ZNF723: variants seen among roughly 807,000 people sequenced by gnomAD.
ZNF723 encodes the protein zinc finger protein 723.
ZNF723 carries 5 observed loss-of-function variants against 9.4 expected under a neutral mutation model. That is an observed-to-expected ratio of 0.53 (90% confidence interval 0.28 to 1.12). The LOEUF (loss-of-function observed/expected upper bound fraction) is 1.12, where lower values mean the gene tolerates loss of function less well. Ranked by LOEUF, ZNF723 falls within the 50% of genes most tolerant of loss-of-function variation. The pLI is 0.10. For missense variants in ZNF723, 450 were observed against 501.5 expected (o/e 0.90, Z 0.98); for synonymous variants, 158 against 168.8 (o/e 0.94, Z 0.49).
chr19:22,849,990 G>A (rs1424028783), intron 3 of ZNF723, among the ~76,000 whole-genome samples: 2 of 151,954 alleles, frequency 1.3e-5, no homozygotes, highest in South Asian at 2.1e-4. Flanking sequence ...AAATATGTGA[G>A]AGTAGTGGTT....
At chr19:22,819,403 G>A in the ZNF723 span, among the ~76,000 whole-genome samples, 1 of 152,186 alleles carries the variant, frequency 6.6e-6, no homozygotes. Flanking sequence ...CAGCACATAG[G>A]TGATGTAATT....
rs1370106460 is a variant in ZNF723 at position 22,844,437 on chromosome 19, C to G, written c.4-3824C>G. ...GAAATACATGTGCTGGGCCCTTAAC[C>G]TAATGCTGGGAATTATTAAATACTT... On this transcript the variant is annotated intron_variant, in intron 1 of 3. Coordinates refer to ENST00000600766, the MANE Select transcript of ZNF723 (RefSeq NM_001349726.2). Among the ~76,000 whole-genome samples, 3 of 152,128 alleles carry G rather than the reference C, an allele frequency of 2.0e-5. No homozygotes were observed. In the East Asian group the frequency reaches 5.8e-4, roughly 29 times the overall value.
chr19:22,849,494 C>T (rs551219413), intron 3 of ZNF723, among the ~76,000 whole-genome samples: 7 of 152,302 alleles, frequency 4.6e-5, no homozygotes, highest in African/African-American at 1.7e-4. Flanking sequence ...TTCTACTTTC[C>T]CTTTTGTGAT....
chr19:22,856,985 T>C (rs1439760920), intron 3 of ZNF723, 133 bp from the exon 4 acceptor site: 1 of 463,130 alleles, frequency 2.2e-6, no homozygotes, highest in Non-Finnish European at 3.8e-6. Context: ...TTTATGTCTA[T>C]GAAGTAATTA....
At chr19:22,847,722 G>T (rs1367865563) in intron 1 of ZNF723, among the ~76,000 whole-genome samples, 1 of 151,344 alleles carries the variant, frequency 6.6e-6, no homozygotes, top group African/African-American at 2.4e-5. Flanking sequence ...ATCCAGAAAA[G>T]TATCATATAT....
At chr19:22,838,966 C>G (rs368923849) in intron 1 of ZNF723, among the ~76,000 whole-genome samples, 56 of 152,082 alleles carry the variant, frequency 3.7e-4, no homozygotes, top group African/African-American at 1.3e-3. Context: ...AGGCTGGTCT[C>G]GAACTCCTTA....
chr19:22,825,816 T>C, the ZNF723 span, among the ~76,000 whole-genome samples: 2,097 of 152,322 alleles, frequency 0.014, 47 homozygotes, highest in African/African-American at 0.048. Context: ...AACATTATGA[T>C]AATGTGATTT....
At chr19:22,814,311 G>A in the ZNF723 span, among the ~76,000 whole-genome samples, 272 of 152,290 alleles carry the variant, frequency 1.8e-3, 1 homozygote, top group Non-Finnish European at 3.0e-3. Flanking sequence ...AAAGAGTGAC[G>A]TAATAGGGCC....
chr19:22,822,277 A>C, the ZNF723 span, among the ~76,000 whole-genome samples: 2 of 152,230 alleles, frequency 1.3e-5, no homozygotes, highest in East Asian at 3.8e-4. Flanking sequence ...CCTGAACCTC[A>C]CATGCAGATG....
At chr19:22,819,438 G>T in the ZNF723 span, among the ~76,000 whole-genome samples, 1 of 152,084 alleles carries the variant, frequency 6.6e-6, no homozygotes, top group African/African-American at 2.4e-5. Context: ...CTGCTCACAG[G>T]GTTTATTATG....
At chr19:22,851,125 T>G (rs1284126025) in intron 3 of ZNF723, among the ~76,000 whole-genome samples, 1 of 152,060 alleles carries the variant, frequency 6.6e-6, no homozygotes, top group African/African-American at 2.4e-5. Flanking sequence ...ATTCTATATG[T>G]GTCTCTATAT....
At chr19:22,827,107 A>ATTTT in the ZNF723 span, among the ~76,000 whole-genome samples, 1 of 152,230 alleles carries the variant, frequency 6.6e-6, no homozygotes, top group South Asian at 2.1e-4. Flanking sequence ...TTATCCCCCA[A>ATTTT]AATAGGGCTG....
At position 22,857,806 on chromosome 19, in the gene ZNF723, A is replaced by C; in HGVS notation, c.915A>C (p.Arg305Ser). The C allele has an allele frequency of 7.2e-7, 1 of 1,380,484 alleles. No individual in the cohort carries two copies. Among genetic ancestry groups the C allele is most frequent in the Non-Finnish European group, 1.0e-6 (1 of 967,830 alleles). The allele number at this position is 1,380,484 out of a possible 1,614,324, so 85.5% of individuals were successfully genotyped here. The change falls in exon 4 of 4, where the codon AGA becomes AGC. Residue 305 changes from arginine to serine, a missense_variant. Physicochemically the swap from Arg to Ser is moderately radical, Grantham distance 110 (BLOSUM62 -1). Around this residue, in one of 5 missense-constraint regions of ZNF723, gnomAD observed 237 missense variants for 332.2 expected, o/e 0.71. Transcript: ENST00000600766. Reference sequence around the variant, plus strand: ...TCTCAAGCCTTAATAATCATAAGAGAATTCATACTGGAGAGAAACCCTACA... The same window carrying C: ...TCTCAAGCCTTAATAATCATAAGAGCATTCATACTGGAGAGAAACCCTACA... The part of the protein sequence containing the change: ...NVFSSLNNHK[R>S]IHTGEKPYKC...
intron 1 of ZNF723, among the ~76,000 whole-genome samples, chr19:22,836,814 A>G (rs906778356): frequency 2.6e-5 from 4 of 152,210 alleles, no homozygotes; most frequent in African/African-American, 9.6e-5. Flanking sequence ...TTTATTTATT[A>G]TAGCTATTTA....
chr19:22,821,664 C>G, the ZNF723 span, among the ~76,000 whole-genome samples: 1 of 152,164 alleles, frequency 6.6e-6, no homozygotes, highest in Non-Finnish European at 1.5e-5. Context: ...TAAATTTAGA[C>G]ATATGTATTT....
the ZNF723 span, among the ~76,000 whole-genome samples, chr19:22,813,027 A>G: frequency 6.6e-6 from 1 of 151,948 alleles, no homozygotes; most frequent in Non-Finnish European, 1.5e-5. Flanking sequence ...AGGCTGGAGT[A>G]CGGTGTCATG....
intron 1 of ZNF723, 121 bp downstream of exon 1, chr19:22,832,503 T>C: frequency 3.6e-6 from 4 of 1,111,832 alleles, no homozygotes; most frequent in Non-Finnish European, 5.2e-6. Flanking sequence ...CTCGGAGTTC[T>C]AGCCTGGCCC....
chr19:22,855,643 G>GT (rs1195717777), intron 3 of ZNF723, among the ~76,000 whole-genome samples: 1 of 152,096 alleles, frequency 6.6e-6, no homozygotes, highest in Non-Finnish European at 1.5e-5. Context: ...ACTTTGGAAG[G>GT]TTTTTTTATT....
chr19:22,855,012 A>C (rs1967454088), intron 3 of ZNF723, among the ~76,000 whole-genome samples: 1 of 151,812 alleles, frequency 6.6e-6, no homozygotes. Flanking sequence ...GTGCCATTGC[A>C]CTCCAGCCTG....
Sources: allele counts gnomAD v4.1 joint callset (sites outside exome capture counted in the v4.1 genomes callset), GRCh38; gene constraint gnomAD v4.1.1; regional missense constraint gnomAD v4.1.1; transcripts MANE v1.5; gene names NCBI Gene and HGNC (gene_info 2026-07-23, HGNC 2026-07-21).